GPATCH2L: variants seen among roughly 807,000 people sequenced by gnomAD.
GPATCH2L encodes the protein G patch domain-containing protein 2-like.
GPATCH2L carries 31 observed loss-of-function variants against 57.4 expected under a neutral mutation model. The ratio of observed to expected loss-of-function variants is 0.54; its 90% CI spans 0.41 to 0.73. The LOEUF is 0.73. GPATCH2L is among the 30% of genes least tolerant of loss of function. The pLI is 0.00. For missense variants in GPATCH2L, 481 were observed against 599.9 expected, an observed-to-expected ratio of 0.80 and a Z score of 2.07; for synonymous variants, 199 against 210.7, an observed-to-expected ratio of 0.94 and a Z score of 0.48.
At chr14:76,201,223 G>A (rs1395552258) in intron 9 of GPATCH2L, among the ~76,000 whole-genome samples, 1 of 152,074 alleles carries the variant, frequency 6.6e-6, no homozygotes, top group Non-Finnish European at 1.5e-5. Context: ...AGTCCAGTAT[G>A]TGTGCTTGAA....
At chr14:76,180,149 T>A (rs1452044666) in intron 7 of GPATCH2L, 2 of 152,164 alleles carry the variant, frequency 1.3e-5, no homozygotes, top group African/African-American at 4.8e-5. Flanking sequence ...TGAGCTGAGA[T>A]CACACCACTG....
chr14:76,222,976 G>GAAAA (rs1314092739), intron 1 of GPATCH2L, among the ~76,000 whole-genome samples: 1 of 147,476 alleles, frequency 6.8e-6, no homozygotes. Flanking sequence ...AAAAAAGAAA[G>GAAAA]AAAAAAAAGT....
At chr14:76,181,521 T>A (rs116635231) in intron 8 of GPATCH2L, among the ~76,000 whole-genome samples, 399 of 152,358 alleles carry the variant, frequency 2.6e-3, no homozygotes, top group African/African-American at 9.2e-3. Context: ...TTTTCTTTTT[T>A]AATTTTTTTC....
rs938191921 is a variant in GPATCH2L at position 76,210,130 on chromosome 14, C to A, written c.*8279C>A. The A allele has an allele frequency of 6.6e-6, 1 of 152,244 alleles. No homozygotes were observed. The highest frequency in any genetic ancestry group is 1.5e-5 in the Non-Finnish European group (1 of 68,014). The allele number at this position is 152,244 out of a possible 1,614,324, so 9.4% of individuals were successfully genotyped here. On this transcript the variant is annotated 3_prime_UTR_variant, in exon 10 of 10. Coordinates refer to ENST00000261530, the MANE Select transcript of GPATCH2L (RefSeq NM_017926.4). ...ATATACTATCCTTGAAACTATTAGG[C>A]CCCTGTCCAGAGTACCTAATAATAA... is the stretch of plus-strand genomic sequence containing the variant.
rs117326355 is a variant in GPATCH2L, at chr14:76,185,882, G to T, written c.1193+5033G>T. 5.5e-3 allele frequency among the ~76,000 whole-genome samples: 833 copies of T among 152,244 alleles called. 9 individuals carry two copies. Among genetic ancestry groups the T allele is most frequent in the Non-Finnish European group, 7.6e-3 (517 of 68,010 alleles). On this transcript the variant is annotated intron_variant, in intron 8 of 9. Transcript: ENST00000261530. Reference sequence around the variant, plus strand: ...TCTTCATAGTCCATTGGCATAGGTGGTAGGAGATTAAGAGTGTAGATATTA... The same window carrying T: ...TCTTCATAGTCCATTGGCATAGGTGTTAGGAGATTAAGAGTGTAGATATTA...
intron 3 of GPATCH2L, among the ~76,000 whole-genome samples, chr14:76,169,490 C>T (rs553866093): frequency 6.6e-6 from 1 of 152,050 alleles, no homozygotes; most frequent in Non-Finnish European, 1.5e-5. Context: ...CTAGAGGAGC[C>T]AGAGGTCAGG....
At chr14:76,171,739 A>AG in intron 3 of GPATCH2L, 104 bp from the exon 4 acceptor site, 1 of 744,240 alleles carries the variant, frequency 1.3e-6, no homozygotes, top group Admixed American at 2.7e-5. Context: ...GAAAAAAAAA[A>AG]AAAAGGATGA....
intron 7 of GPATCH2L, chr14:76,178,860 C>A (rs1485004733): frequency 6.6e-6 from 1 of 152,326 alleles, no homozygotes. Context: ...TGGCTACCCC[C>A]TGAGGGGCCC....
At chr14:76,153,510 C>T (rs1481874380) in intron 1 of GPATCH2L, 1 of 152,220 alleles carries the variant, frequency 6.6e-6, no homozygotes, top group African/African-American at 2.4e-5. Flanking sequence ...CACCCTATCC[C>T]TGTCATTTCA....
intron 7 of GPATCH2L, 30 bp downstream of exon 7, chr14:76,178,072 T>G (rs2039411606): frequency 2.6e-6 from 4 of 1,559,316 alleles, no homozygotes; most frequent in Non-Finnish European, 3.5e-6. Flanking sequence ...GTTATTTTGA[T>G]TTTCTTGGAG....
intron 8 of GPATCH2L, among the ~76,000 whole-genome samples, chr14:76,183,723 G>A (rs567586894): frequency 6.6e-6 from 1 of 152,186 alleles, no homozygotes; most frequent in East Asian, 1.9e-4. Flanking sequence ...CTTTGTAATC[G>A]TTCCTCCCCA....
chr14:76,207,347 A>C lies in GPATCH2L; in HGVS notation c.*5496A>C, dbSNP rs548520098. 1.3e-5 allele frequency: 2 copies of C among 152,304 alleles called. No homozygotes were observed. Among genetic ancestry groups the C allele is most frequent in the South Asian group, 2.1e-4 (1 of 4,820 alleles). The allele number at this position is 152,304 out of a possible 1,614,324, so 9.4% of individuals were successfully genotyped here. A position where few individuals can be genotyped will look rare whatever the true frequency, so the allele number is the denominator to read the frequency against. On this transcript the variant is annotated 3_prime_UTR_variant, in exon 10 of 10. Transcript: ENST00000261530. The stretch of plus-strand genomic sequence containing the variant: ...TAGATAATAAAATAAAAATTGATAA[A>C]AATAGATCAATGAATTGTTAGTCTA...
intron 9 of GPATCH2L, among the ~76,000 whole-genome samples, chr14:76,198,358 A>G (rs1242598079): frequency 1.3e-5 from 2 of 152,220 alleles, no homozygotes; most frequent in Non-Finnish European, 2.9e-5. Flanking sequence ...AAAAGAAAAA[A>G]AAGATTATCT....
intron 1 of GPATCH2L, among the ~76,000 whole-genome samples, chr14:76,225,545 G>C (rs548568204): frequency 1.3e-5 from 2 of 151,954 alleles, no homozygotes; most frequent in African/African-American, 2.4e-5. Flanking sequence ...CTTGAAGTAG[G>C]TAAAGATTTA....
intron 1 of GPATCH2L, among the ~76,000 whole-genome samples, chr14:76,228,971 G>A (rs2040548694): frequency 6.6e-6 from 1 of 152,178 alleles, no homozygotes; most frequent in African/African-American, 2.4e-5. Context: ...TAAGAGGCTT[G>A]TCATGTCTCT....
Position 76,188,759 on chromosome 14 carries a change from T to G in GPATCH2L, c.1194-7119T>G, listed in dbSNP as rs867108279. On this transcript the variant is annotated intron_variant, in intron 8 of 9. Coordinates refer to ENST00000261530, the MANE Select transcript of GPATCH2L (RefSeq NM_017926.4). ...CCTTGGTTGTTGTGATTGTGGGGTA[T>G]TACTCAAAAAATTTTTGCCCAGACG... 7.9e-5 allele frequency among the ~76,000 whole-genome samples: 12 copies of G among 152,222 alleles called. No homozygotes were observed. In the South Asian group the frequency reaches 8.3e-4, roughly 11 times the overall value.
At chr14:76,199,897 G>A (rs1350218693) in intron 9 of GPATCH2L, among the ~76,000 whole-genome samples, 4 of 152,112 alleles carry the variant, frequency 2.6e-5, no homozygotes, top group African/African-American at 4.8e-5. Context: ...ATTCACAGTC[G>A]TCAAGGTGGA....
At chr14:76,189,611 G>C (rs969962440) in intron 8 of GPATCH2L, among the ~76,000 whole-genome samples, 3 of 152,090 alleles carry the variant, frequency 2.0e-5, no homozygotes, top group South Asian at 2.1e-4. Flanking sequence ...GTAGTCTTTA[G>C]GTTTTTCCAA....
intron 1 of GPATCH2L, among the ~76,000 whole-genome samples, chr14:76,226,687 T>G (rs1383630404): frequency 6.6e-6 from 1 of 152,168 alleles, no homozygotes; most frequent in African/African-American, 2.4e-5. Context: ...TTCACCCCCT[T>G]CCACCATCCG....
Sources: allele counts gnomAD v4.1 joint callset (sites outside exome capture counted in the v4.1 genomes callset), GRCh38; gene constraint gnomAD v4.1.1; transcripts MANE v1.5; gene names NCBI Gene and HGNC (gene_info 2026-07-23, HGNC 2026-07-21).